PRKG1: variants seen among roughly 807,000 people sequenced by gnomAD.
The protein encoded by PRKG1 is cGMP-dependent protein kinase 1.
A neutral mutation model predicts 88.1 loss-of-function variants in PRKG1; 35 were observed. The ratio of observed to expected loss-of-function variants is 0.40; its 90% CI spans 0.30 to 0.53. PRKG1 has a LOEUF of 0.53. Ranked by LOEUF, PRKG1 falls within the 20% of genes least tolerant of loss-of-function variation. The probability of loss-of-function intolerance (pLI) is 0.59; values close to 1 mark genes in which losing one functional copy is unlikely to be tolerated. For missense variants in PRKG1, 540 were observed against 839.8 expected (o/e 0.64, Z 4.41); for synonymous variants, 303 against 292.5 (o/e 1.04, Z -0.37).
intron 4 of PRKG1, among the ~76,000 whole-genome samples, chr10:51,892,747 C>A (rs1841753101): frequency 6.6e-6 from 1 of 152,146 alleles, no homozygotes; most frequent in Non-Finnish European, 1.5e-5. Flanking sequence ...CATAGGCCAG[C>A]CCTGCACATT....
chr10:51,635,147 C>T lies in PRKG1; in HGVS notation c.592+167311C>T, dbSNP rs548872148. ...TTGACTGGCATGCAGAACATAATAGCCTGTCCTGCATTTGGGTTCTGTGCA... is the reference window on the plus strand; with the variant it reads ...TTGACTGGCATGCAGAACATAATAGTCTGTCCTGCATTTGGGTTCTGTGCA... On this transcript the variant is annotated intron_variant, in intron 3 of 17. Coordinates refer to ENST00000373980, the MANE Select transcript of PRKG1 (RefSeq NM_006258.4). Among the ~76,000 whole-genome samples the T allele has an allele frequency of 2.0e-5, 3 of 152,010 alleles. No homozygotes were observed. In the South Asian group the frequency reaches 6.2e-4, roughly 32 times the overall value.
chr10:51,060,330 C>CAA (rs2132782365), intron 1 of PRKG1, among the ~76,000 whole-genome samples: 1 of 152,104 alleles, frequency 6.6e-6, no homozygotes, highest in Admixed American at 6.5e-5. Context: ...TTTGATCTAT[C>CAA]ACTGTACTGT....
At chr10:51,041,084 C>T (rs1405687752) in intron 1 of PRKG1, among the ~76,000 whole-genome samples, 1 of 151,990 alleles carries the variant, frequency 6.6e-6, no homozygotes, top group African/African-American at 2.4e-5. Context: ...GCAGAGTAGT[C>T]TCTCCCTGTG....
At chr10:52,138,121 G>A (rs1191079735) in intron 8 of PRKG1, among the ~76,000 whole-genome samples, 2 of 151,928 alleles carry the variant, frequency 1.3e-5, no homozygotes, top group African/African-American at 4.8e-5. Context: ...ACATTTTCAT[G>A]CTGGATGGTA....
intron 3 of PRKG1, chr10:51,697,835 T>G: frequency 6.2e-7 from 1 of 1,614,168 alleles, no homozygotes; most frequent in Non-Finnish European, 8.5e-7. Flanking sequence ...CTCCTGATCC[T>G]GTGGAGTGAC....
At chr10:51,446,339 T>G (rs1038147340) in intron 2 of PRKG1, among the ~76,000 whole-genome samples, 1 of 151,942 alleles carries the variant, frequency 6.6e-6, no homozygotes, top group African/African-American at 2.4e-5. Context: ...TTTCTTTGGT[T>G]GCTGGGAAGC....
chr10:51,368,693 A>G (rs1842639272), intron 2 of PRKG1, among the ~76,000 whole-genome samples: 2 of 152,154 alleles, frequency 1.3e-5, no homozygotes, highest in South Asian at 4.1e-4. Flanking sequence ...TAGTGGATCA[A>G]GACTAAAGAG....
chr10:51,342,639 T>G (rs557817991), intron 2 of PRKG1, among the ~76,000 whole-genome samples: 1 of 152,160 alleles, frequency 6.6e-6, no homozygotes, highest in Non-Finnish European at 1.5e-5. Context: ...CTAATTTTCA[T>G]CTGAGTCACT....
At chr10:51,843,916 C>A (rs1206495819) in intron 4 of PRKG1, among the ~76,000 whole-genome samples, 1 of 151,916 alleles carries the variant, frequency 6.6e-6, no homozygotes, top group Non-Finnish European at 1.5e-5. Context: ...GTGACTGAGT[C>A]AAGAAAAGAA....
chr10:52,143,494 G>A (rs1157905178), intron 8 of PRKG1, among the ~76,000 whole-genome samples: 3 of 152,164 alleles, frequency 2.0e-5, no homozygotes, highest in African/African-American at 4.8e-5. Flanking sequence ...CTGTTAGGAA[G>A]GATATAGTCA....
intron 2 of PRKG1, among the ~76,000 whole-genome samples, chr10:51,191,843 C>A (rs1837639249): frequency 6.6e-6 from 1 of 151,708 alleles, no homozygotes; most frequent in Non-Finnish European, 1.5e-5. Flanking sequence ...TCTATTACAT[C>A]CCCTAGGCAT....
intron 9 of PRKG1, among the ~76,000 whole-genome samples, chr10:52,183,336 G>A (rs1839095186): frequency 6.6e-6 from 1 of 152,200 alleles, no homozygotes; most frequent in African/African-American, 2.4e-5. Context: ...CAAAGGAACT[G>A]TTTCTCAGGA....
intron 3 of PRKG1, among the ~76,000 whole-genome samples, chr10:51,713,315 TG>T (rs1267757194): frequency 2.0e-5 from 3 of 152,230 alleles, no homozygotes; most frequent in Admixed American, 6.5e-5. Flanking sequence ...GAAAATTTTT[TG>T]CAAAGGGTTA....
chr10:52,178,784 TTG>T (rs1197975363), intron 9 of PRKG1, among the ~76,000 whole-genome samples: 1 of 152,174 alleles, frequency 6.6e-6, no homozygotes, highest in East Asian at 1.9e-4. Context: ...GACTTAAATC[TTG>T]TTTTGTCTGA....
intron 2 of PRKG1, among the ~76,000 whole-genome samples, chr10:51,403,193 T>C (rs1236904809): frequency 1.3e-5 from 2 of 152,192 alleles, no homozygotes; most frequent in African/African-American, 4.8e-5. Flanking sequence ...TGCAGAGTGA[T>C]GGATGTCAGG....
At chr10:51,612,866 A>G (rs1838946773) in intron 3 of PRKG1, among the ~76,000 whole-genome samples, 1 of 152,026 alleles carries the variant, frequency 6.6e-6, no homozygotes, top group Admixed American at 6.6e-5. Flanking sequence ...TTCTGTATCT[A>G]TTGAGATGAT....
At chr10:51,230,377 G>A (rs912416250) in intron 2 of PRKG1, among the ~76,000 whole-genome samples, 2 of 152,186 alleles carry the variant, frequency 1.3e-5, no homozygotes, top group African/African-American at 2.4e-5. Context: ...GTGCATAGGG[G>A]TAGAAGTATT....
At chr10:51,044,128 C>G (rs1485552519) in intron 1 of PRKG1, among the ~76,000 whole-genome samples, 1 of 152,160 alleles carries the variant, frequency 6.6e-6, no homozygotes, top group Non-Finnish European at 1.5e-5. Flanking sequence ...TCCTCCATGA[C>G]TTCCATTTTC....
intron 3 of PRKG1, among the ~76,000 whole-genome samples, chr10:51,784,336 G>A (rs1838675249): frequency 6.6e-6 from 1 of 151,966 alleles, no homozygotes; most frequent in South Asian, 2.1e-4. Flanking sequence ...TTTCCTCATG[G>A]TATTTCAATG....
Sources: gnomAD v4.1 joint callset for allele counts (sites outside exome capture counted in the v4.1 genomes callset) on GRCh38, gnomAD v4.1.1 for gene constraint, MANE v1.5 for transcripts, NCBI Gene and HGNC (gene_info 2026-07-23, HGNC 2026-07-21) for gene names.